Variants in TUB observed in about 807,000 individuals in gnomAD.
TUB encodes the protein TUB bipartite transcription factor.
In TUB, 33 loss-of-function variants were observed where a neutral mutation model predicts 59.7. That is an observed-to-expected ratio of 0.55 (90% CI 0.42 to 0.74). The LOEUF (loss-of-function observed/expected upper bound fraction) is 0.74, where lower values mean the gene tolerates loss of function less well. TUB is among the 30% of genes least tolerant of loss of function. The pLI is 0.00. For missense variants in TUB, 659 were observed against 672.0 expected (o/e 0.98, Z 0.21); for synonymous variants, 293 against 256.4 (o/e 1.14, Z -1.36).
chr11:8,088,207 T>G (rs1427429812), intron 1 of TUB, among the ~76,000 whole-genome samples: 1 of 152,140 alleles, frequency 6.6e-6, no homozygotes, highest in African/African-American at 2.4e-5. Context: ...CACCTGCTAG[T>G]TAAAAAACAT....
chr11:8,101,683 G>C lies in TUB; in HGVS notation c.*64G>C, dbSNP rs1045148821. ...CGGAGCTTGCCTGCCTGCCTGTGGA[G>C]ACAGCCCTGCCTATCCTCTGTATAT... On this transcript the variant is annotated 3_prime_UTR_variant, in exon 12 of 12. Transcript: ENST00000299506. 1 of 1,585,620 alleles carries C rather than the reference G, an allele frequency of 6.3e-7. No individual in the cohort carries two copies.
chr11:8,100,626 T>A, intron 10 of TUB, 25 bp downstream of exon 10: 1 of 1,602,370 alleles, frequency 6.2e-7, no homozygotes, highest in Non-Finnish European at 8.5e-7. Context: ...CTTCCTCCCC[T>A]CTTTCCCCAT....
At position 8,074,463 on chromosome 11, in the gene TUB, T is replaced by C. The variant is rs1261259410; in HGVS notation, c.204-15147T>C. Among the ~76,000 whole-genome samples, 3 of 152,058 alleles carry C rather than the reference T, an allele frequency of 2.0e-5. No individual in the cohort carries two copies. In the East Asian group the frequency reaches 5.8e-4, roughly 29 times the overall value. On this transcript the variant is annotated intron_variant, in intron 2 of 12. Coordinates refer to the TUB transcript ENST00000305253. Reference sequence around the variant, plus strand: ...ATTAAAAATTCTCTATAAGGCTGGGTGCGATGGCTCACACCTGTAATCCTA... The same window carrying C: ...ATTAAAAATTCTCTATAAGGCTGGGCGCGATGGCTCACACCTGTAATCCTA...
At chr11:8,097,948 C>T (rs1025123282) in intron 8 of TUB, 122 bp downstream of exon 8, 2 of 734,330 alleles carry the variant, frequency 2.7e-6, no homozygotes, top group African/African-American at 3.5e-5. Flanking sequence ...CTCCCAGGAT[C>T]CTCTCTGATA....
intron 2 of TUB, chr11:8,075,650 C>G (rs1404564594): frequency 6.6e-6 from 1 of 152,178 alleles, no homozygotes; most frequent in Non-Finnish European, 1.5e-5. Flanking sequence ...AGTCCCATGA[C>G]TTTTCTGACC....
At chr11:8,072,894 A>G (rs1466761822) in intron 2 of TUB, among the ~76,000 whole-genome samples, 1 of 152,230 alleles carries the variant, frequency 6.6e-6, no homozygotes, top group East Asian at 1.9e-4. Flanking sequence ...CTTATTTCAG[A>G]GTTGAGTAAA....
intron 2 of TUB, among the ~76,000 whole-genome samples, chr11:8,053,780 C>T (rs1201874639): frequency 6.8e-6 from 1 of 146,142 alleles, no homozygotes; most frequent in African/African-American, 2.5e-5. Context: ...GGATTACAGG[C>T]GTGAGCCACC....
At chr11:8,040,402 G>A (rs531618558) in intron 2 of TUB, among the ~76,000 whole-genome samples, 1 of 152,202 alleles carries the variant, frequency 6.6e-6, no homozygotes, top group South Asian at 2.1e-4. Flanking sequence ...TGGGAAGTCT[G>A]TCTGTCCTTC....
At chr11:8,095,466 G>C in intron 4 of TUB, 32 bp from the exon 5 acceptor site, 1 of 1,581,212 alleles carries the variant, frequency 6.3e-7, no homozygotes, top group Non-Finnish European at 8.6e-7. Context: ...TCCTCCTCCT[G>C]GATGTAACTC....
At chr11:8,026,938 TTC>T in intron 1 of TUB, among the ~76,000 whole-genome samples, 1 of 152,318 alleles carries the variant, frequency 6.6e-6, no homozygotes, top group Non-Finnish European at 1.5e-5. Context: ...TCATCTTAAT[TTC>T]TCTCAGTCAT....
intron 1 of TUB, among the ~76,000 whole-genome samples, chr11:8,020,002 C>T (rs1942398847): frequency 6.6e-6 from 1 of 152,182 alleles, no homozygotes; most frequent in African/African-American, 2.4e-5. Context: ...CTGCGCTCCC[C>T]ACGCACTCGT....
At chr11:8,032,045 G>C (rs1254825089) in intron 1 of TUB, among the ~76,000 whole-genome samples, 1 of 152,232 alleles carries the variant, frequency 6.6e-6, no homozygotes, top group Non-Finnish European at 1.5e-5. Context: ...GAGACCCCCT[G>C]GGGTAAGGAA....
Position 8,038,924 on chromosome 11 carries a change from G to C in TUB, c.51G>C (p.Glu17Asp). 3 of 1,613,912 alleles carry C rather than the reference G, an allele frequency of 1.9e-6. No individual in the cohort carries two copies. Among genetic ancestry groups the C allele is most frequent in the Non-Finnish European group, 1.7e-6 (2 of 1,179,978 alleles). The change falls in exon 1 of 13, where the codon GAG becomes GAC. Residue 17 changes from glutamate (E) to aspartate (D), a missense_variant. Glu to Asp is a conservative substitution (Grantham distance 45, BLOSUM62 2). Coordinates refer to the TUB transcript ENST00000305253. Reference sequence around the variant, plus strand: ...CTTTCTGGGTTTCTTTCTTTGCCGAGACAGGGATTTTGTTCCCAGGAGGCA... The same window carrying C: ...CTTTCTGGGTTTCTTTCTTTGCCGACACAGGGATTTTGTTCCCAGGAGGCA...
At chr11:8,030,151 C>G (rs569446356) in intron 1 of TUB, among the ~76,000 whole-genome samples, 1 of 152,036 alleles carries the variant, frequency 6.6e-6, no homozygotes. Context: ...GGGACTTGCC[C>G]GCGCTGAAGT....
chr11:8,092,514 G>A (rs1943812236), intron 3 of TUB, among the ~76,000 whole-genome samples: 1 of 152,194 alleles, frequency 6.6e-6, no homozygotes, highest in African/African-American at 2.4e-5. Flanking sequence ...TATAAAATGG[G>A]GAAACTTCTC....
chr11:8,024,588 A>G (rs553666184), intron 1 of TUB, among the ~76,000 whole-genome samples: 3 of 152,208 alleles, frequency 2.0e-5, no homozygotes, highest in African/African-American at 4.8e-5. Flanking sequence ...CTCTACTTCA[A>G]TCACTCCCTT....
intron 1 of TUB, among the ~76,000 whole-genome samples, chr11:8,027,599 C>G (rs1312230640): frequency 1.3e-5 from 2 of 152,208 alleles, no homozygotes; most frequent in African/African-American, 4.8e-5. Flanking sequence ...ACTGCAACCT[C>G]TGCCTCTCGG....
chr11:8,058,034 A>AC (rs951205126), intron 2 of TUB, among the ~76,000 whole-genome samples: 25 of 151,514 alleles, frequency 1.7e-4, no homozygotes, highest in East Asian at 9.7e-4. Flanking sequence ...ACATGGTGAG[A>AC]CCCCCATCTC....
In TUB at chr11:8,081,530, C is replaced by G. The variant is rs777611397; in HGVS notation, c.20C>G (p.Ser7Cys). The G allele has an allele frequency of 2.6e-6, 4 of 1,552,600 alleles. No homozygotes were observed. The highest frequency in any genetic ancestry group is 1.7e-4 in the Middle Eastern group (1 of 5,902). MTSKPH[S>C]DWIPYSVLDD... The stretch of plus-strand genomic sequence containing the variant: ...AGAGACATGACTTCCAAGCCGCATT[C>G]CGACTGGATTCCCTACAGGTACGCG... Residue 7 changes from serine to cysteine, a missense_variant, in exon 1 of 12, where the codon TCC becomes TGC. By Grantham distance (112) the Ser-to-Cys change is moderately radical. Coordinates refer to ENST00000299506, the MANE Select transcript of TUB (RefSeq NM_177972.3).
Sources: allele counts gnomAD v4.1 joint callset (sites outside exome capture counted in the v4.1 genomes callset), GRCh38; gene constraint gnomAD v4.1.1; transcripts MANE v1.5; gene names NCBI Gene and HGNC (gene_info 2026-07-23, HGNC 2026-07-21).